Variants in POU2F2 observed in about 807,000 individuals in gnomAD.
The protein encoded by POU2F2 is POU domain, class 2, transcription factor 2.
A neutral mutation model predicts 63.5 loss-of-function variants in POU2F2; 14 were observed. That is an observed-to-expected ratio of 0.22 (90% CI 0.15 to 0.34). The LOEUF is 0.34. Among genes scored for constraint, POU2F2 ranks in the 10% least tolerant of loss-of-function variants. The pLI, the probability that POU2F2 is intolerant of heterozygous loss-of-function variation, is 1.00. For missense variants in POU2F2, 607 were observed against 815.2 expected, an observed-to-expected ratio of 0.74 and a Z score of 3.11; for synonymous variants, 306 against 348.6, an observed-to-expected ratio of 0.88 and a Z score of 1.36.
Position 42,086,515 on chromosome 19 carries a change from C to T in POU2F2, c.*4742G>A, listed in dbSNP as rs2076552068. On this transcript the variant is annotated 3_prime_UTR_variant, in exon 15 of 15. Coordinates refer to ENST00000692977, the MANE Select transcript of POU2F2 (RefSeq NM_001394376.1). ...GACACCCACACCAGAATGGGCTGCG[C>T]CAATCAGGTCTTTACCAAGTAGGGT... is the stretch of plus-strand genomic sequence containing the variant. 1 of 152,156 alleles carries T rather than the reference C, an allele frequency of 6.6e-6. No individual in the cohort carries two copies. The highest frequency in any genetic ancestry group is 2.1e-4 in the South Asian group (1 of 4,826). 9.4% of individuals were successfully genotyped at this position (152,156 alleles called of 1,614,324 possible).
At chr19:42,196,802 C>T (rs1038263566), upstream of POU2F2, among the ~76,000 whole-genome samples, 2 of 152,264 alleles carry the variant, frequency 1.3e-5, no homozygotes, top group Admixed American at 6.5e-5. Flanking sequence ...TCATGGTTCC[C>T]GCCAAGTGCA....
intron 5 of POU2F2, among the ~76,000 whole-genome samples, chr19:42,116,499 G>A (rs942289393): frequency 2.0e-5 from 3 of 152,140 alleles, no homozygotes; most frequent in African/African-American, 7.2e-5. Context: ...GGATTATGAT[G>A]TGGGATATTC....
At chr19:42,116,886 GGCGGCGGCAGCGGCGTTA>G in intron 5 of POU2F2, 1 of 471,374 alleles carries the variant, frequency 2.1e-6, no homozygotes, top group Non-Finnish European at 4.2e-6. Flanking sequence ...AGGCGGCGGC[GGCGGCGGCAGCGGCGTTA>G]GCGGCAGCGG....
intron 2 of POU2F2, among the ~76,000 whole-genome samples, chr19:42,158,268 C>T (rs2034493791): frequency 6.6e-6 from 1 of 152,162 alleles, no homozygotes; most frequent in East Asian, 1.9e-4. Flanking sequence ...ACAAGTGGCC[C>T]CAGTATTATC....
chr19:42,190,617 G>A (rs1340471584), intron 1 of POU2F2, among the ~76,000 whole-genome samples: 2 of 152,122 alleles, frequency 1.3e-5, no homozygotes, highest in Non-Finnish European at 2.9e-5. Flanking sequence ...ACTCTGTGAG[G>A]CCGAGGCAGG....
In POU2F2 at chr19:42,095,951, G is replaced by A. The variant is rs762836702; in HGVS notation, c.730-22C>T. Reference sequence around the variant, plus strand: ...CACCCTGGGCCAGTGGGGCGGGGAAGGGCCCGAAGTCAGGGTGGGGCCTTC... The same window carrying A: ...CACCCTGGGCCAGTGGGGCGGGGAAAGGCCCGAAGTCAGGGTGGGGCCTTC... On this transcript the variant is annotated intron_variant, in intron 8 of 14. Coordinates refer to ENST00000692977, the MANE Select transcript of POU2F2 (RefSeq NM_001394376.1). This position sits in a 1 kb window ranked among gnomAD's most constrained non-coding sequence, Gnocchi z 7.1. 4.2e-5 allele frequency: 67 copies of A among 1,609,600 alleles called. 2 individuals are homozygous for A. The South Asian group carries it at 7.0e-4, about 17-fold the overall frequency.
chr19:42,183,049 G>A (rs2034979711), intron 1 of POU2F2, among the ~76,000 whole-genome samples: 1 of 152,220 alleles, frequency 6.6e-6, no homozygotes, highest in East Asian at 1.9e-4. Flanking sequence ...AGGCCATGAG[G>A]CATCTTGCAG....
chr19:42,145,746 C>T (rs1325377826), intron 2 of POU2F2, among the ~76,000 whole-genome samples: 1 of 152,140 alleles, frequency 6.6e-6, no homozygotes, highest in African/African-American at 2.4e-5. Flanking sequence ...ACCAGCCTGA[C>T]CAACACAGTG....
chr19:42,171,294 G>C (rs2034760113), intron 1 of POU2F2, among the ~76,000 whole-genome samples: 1 of 152,180 alleles, frequency 6.6e-6, no homozygotes, highest in Admixed American at 6.5e-5. Context: ...AAGTCAAAAT[G>C]AGTGTGTGTG....
At chr19:42,124,460 A>T (rs536056554) in intron 1 of POU2F2, among the ~76,000 whole-genome samples, 193 of 152,248 alleles carry the variant, frequency 1.3e-3, no homozygotes, top group Admixed American at 2.4e-3. Context: ...ATTCCTAATT[A>T]AAAAAACAGG....
rs145315874 is a variant in POU2F2, at chr19:42,098,544, C to T, written c.567+983G>A. On this transcript the variant is annotated intron_variant, in intron 7 of 14. Transcript: ENST00000692977. Reference sequence around the variant, plus strand: ...ATCAGATACAGTAACAGTTTTGCAGCAGCAAAAATGCCATACCAAGAGGGA... The same window carrying T: ...ATCAGATACAGTAACAGTTTTGCAGTAGCAAAAATGCCATACCAAGAGGGA... Among the ~76,000 whole-genome samples the T allele has an allele frequency of 1.3e-3, 192 of 152,156 alleles. 1 individual carries two copies. The highest frequency in any genetic ancestry group is 4.4e-3 in the African/African-American group (182 of 41,494).
At chr19:42,094,716 C>G (rs1167306076) in intron 11 of POU2F2, among the ~76,000 whole-genome samples, 1 of 152,238 alleles carries the variant, frequency 6.6e-6, no homozygotes, top group African/African-American at 2.4e-5. Flanking sequence ...TCTTTGCCTT[C>G]TTGTGGCTGG....
intron 1 of POU2F2, among the ~76,000 whole-genome samples, chr19:42,185,748 C>T (rs1448849958): frequency 2.0e-5 from 3 of 152,168 alleles, no homozygotes; most frequent in Non-Finnish European, 2.9e-5. Flanking sequence ...TGTATGACCT[C>T]CATAGAAGGT....
intron 5 of POU2F2, among the ~76,000 whole-genome samples, chr19:42,112,446 T>C (rs1422131492): frequency 6.6e-6 from 1 of 152,158 alleles, no homozygotes; most frequent in African/African-American, 2.4e-5. Flanking sequence ...CTTGGCTCAC[T>C]GCAGCCTCCA....
rs993090565 is a variant in POU2F2 at position 42,086,919 on chromosome 19, G to T, written c.*4338C>A. 3.9e-5 allele frequency: 6 copies of T among 152,146 alleles called. No individual in the cohort carries two copies. Among genetic ancestry groups the T allele is most frequent in the Non-Finnish European group, 8.8e-5 (6 of 68,034 alleles). The allele number at this position is 152,146 out of a possible 1,614,324, so 9.4% of individuals were successfully genotyped here. A position where few individuals can be genotyped will look rare whatever the true frequency, so the allele number is the denominator to read the frequency against. ...TCTCTCCTTTTGTTTGTTTAACAAG[G>T]AGCTAACAATTCAAGGACAAATACT... On this transcript the variant is annotated 3_prime_UTR_variant, in exon 15 of 15. Coordinates refer to ENST00000692977, the MANE Select transcript of POU2F2 (RefSeq NM_001394376.1).
intron 1 of POU2F2, among the ~76,000 whole-genome samples, chr19:42,171,268 GCTA>G (rs2034759768): frequency 6.6e-6 from 1 of 152,150 alleles, no homozygotes; most frequent in South Asian, 2.1e-4. Context: ...TGGTGGGATG[GCTA>G]TAGCTGTGCT....
chr19:42,094,911 C>T (rs2076860739), intron 11 of POU2F2, among the ~76,000 whole-genome samples: 2 of 152,204 alleles, frequency 1.3e-5, no homozygotes, highest in Non-Finnish European at 2.9e-5. Flanking sequence ...CCTGAGAGTA[C>T]ACCCATGGGT....
At chr19:42,166,107 C>T (rs1030094162) in intron 1 of POU2F2, among the ~76,000 whole-genome samples, 4 of 152,160 alleles carry the variant, frequency 2.6e-5, no homozygotes, top group South Asian at 2.1e-4. Flanking sequence ...CAGTTGCTGC[C>T]GCAATGGCCC....
At chr19:42,133,631 C>T (rs1287706450), upstream of POU2F2, 1 of 154,656 alleles carries the variant, frequency 6.5e-6, no homozygotes, top group African/African-American at 2.4e-5. This position sits in a 1 kb window ranked among gnomAD's most constrained non-coding sequence, Gnocchi z 5.1. Flanking sequence ...GCACTTCACA[C>T]ACACACACGT....
Sources: allele counts gnomAD v4.1 joint callset (sites outside exome capture counted in the v4.1 genomes callset), GRCh38; gene constraint gnomAD v4.1.1; non-coding constraint Gnocchi (gnomAD v3.1); transcripts MANE v1.5; gene names NCBI Gene and HGNC (gene_info 2026-07-23, HGNC 2026-07-21).